PRKACB: variants seen among roughly 807,000 people sequenced by gnomAD.
PRKACB encodes protein kinase cAMP-activated catalytic subunit beta.
Under a neutral mutation model 51.4 loss-of-function variants are expected in PRKACB, and 16 were observed. That is an observed-to-expected ratio of 0.31 (90% CI 0.21 to 0.47). The LOEUF is 0.47. Ranked by LOEUF, PRKACB falls within the 20% of genes least tolerant of loss-of-function variation. PRKACB has a pLI of 1.00. For missense variants in PRKACB, 309 were observed against 464.5 expected, an observed-to-expected ratio of 0.67 and a Z score of 3.08; for synonymous variants, 147 against 154.4, an observed-to-expected ratio of 0.95 and a Z score of 0.35.
At chr1:84,170,717 G>A (rs953777369) in intron 1 of PRKACB, among the ~76,000 whole-genome samples, 4 of 151,492 alleles carry the variant, frequency 2.6e-5, no homozygotes, top group African/African-American at 7.3e-5. Flanking sequence ...ATTAGAACCT[G>A]CCAATAATGT....
At chr1:84,115,750 T>A (rs1164249456) in intron 1 of PRKACB, among the ~76,000 whole-genome samples, 1 of 151,636 alleles carries the variant, frequency 6.6e-6, no homozygotes, top group Non-Finnish European at 1.5e-5. Context: ...GGCGTGGTGG[T>A]GCATGCCTGT....
chr1:84,174,895 T>C (rs1405676438), intron 1 of PRKACB: 1 of 795,090 alleles, frequency 1.3e-6, no homozygotes, highest in East Asian at 3.9e-5. Context: ...TTTGAATACA[T>C]ACAATCAAAT....
intron 8 of PRKACB, 146 bp downstream of exon 8, chr1:84,202,951 A>AGC: frequency 1.3e-6 from 1 of 758,974 alleles, no homozygotes; most frequent in Non-Finnish European, 1.9e-6. Context: ...CTATCATAAG[A>AGC]ATTGAATCAT....
At chr1:84,147,622 A>G (rs891323966) in intron 1 of PRKACB, among the ~76,000 whole-genome samples, 5 of 152,062 alleles carry the variant, frequency 3.3e-5, no homozygotes, top group African/African-American at 4.8e-5. Flanking sequence ...GGCATAATGA[A>G]ATAGTTGCTT....
intron 1 of PRKACB, among the ~76,000 whole-genome samples, chr1:84,174,265 C>T (rs76643111): frequency 2.3e-3 from 349 of 151,880 alleles, no homozygotes; most frequent in African/African-American, 7.9e-3. Flanking sequence ...TATGTAAGAT[C>T]GTCTCAGCCT....
At chr1:84,198,873 CATATATGTGT>C (rs1294389422) in intron 7 of PRKACB, among the ~76,000 whole-genome samples, 8 of 147,976 alleles carry the variant, frequency 5.4e-5, no homozygotes, top group East Asian at 3.9e-4. Context: ...ATATACACCA[CATATATGTGT>C]ATATATGTGT....
intron 1 of PRKACB, among the ~76,000 whole-genome samples, chr1:84,103,976 A>G (rs1649543560): frequency 6.6e-6 from 1 of 152,212 alleles, no homozygotes; most frequent in Non-Finnish European, 1.5e-5. Flanking sequence ...TGTGTTAGGA[A>G]CATTTAAATC....
intron 1 of PRKACB, among the ~76,000 whole-genome samples, chr1:84,100,157 A>T (rs1649227893): frequency 6.6e-6 from 1 of 152,216 alleles, no homozygotes; most frequent in African/African-American, 2.4e-5. Context: ...ACAAGGTGAC[A>T]GGAGAGAGTG....
rs995020483 is a variant in PRKACB, at chr1:84,235,710, A to G, written c.*405A>G. 1.3e-5 allele frequency: 2 copies of G among 155,372 alleles called. No homozygotes were observed. The highest frequency in any genetic ancestry group is 4.8e-5 in the African/African-American group (2 of 41,532). The allele number at this position is 155,372 out of a possible 1,614,324, so 9.6% of individuals were successfully genotyped here. On this transcript the variant is annotated 3_prime_UTR_variant, in exon 10 of 10. Coordinates refer to ENST00000370685, the MANE Select transcript of PRKACB (RefSeq NM_182948.4). ...GTGTTGCTTTCAGTAGTTATTGCCA[A>G]TATTGTTGTTGGTCAATGGCTTGAA...
chr1:84,174,901 C>A, intron 1 of PRKACB: 3 of 836,966 alleles, frequency 3.6e-6, no homozygotes, highest in Non-Finnish European at 4.9e-6. Flanking sequence ...TACATACAAT[C>A]AAATAATTGA....
At position 84,115,390 on chromosome 1, in the gene PRKACB, G is replaced by C. The variant is rs565499802; in HGVS notation, c.46+37019G>C. Among the ~76,000 whole-genome samples the C allele has an allele frequency of 4.6e-5, 7 of 152,006 alleles. No homozygotes were observed. In the South Asian group the frequency reaches 1.5e-3, roughly 32 times the overall value. The stretch of plus-strand genomic sequence containing the variant: ...AATGGGATTATGTTTTTCCTATTAA[G>C]TTTTTTGAGTTTCTTGTATATGCTG... On this transcript the variant is annotated intron_variant, in intron 1 of 8. Coordinates refer to the PRKACB transcript ENST00000370688.
intron 1 of PRKACB, among the ~76,000 whole-genome samples, chr1:84,120,379 A>G (rs1275285176): frequency 6.6e-6 from 1 of 152,092 alleles, no homozygotes; most frequent in Non-Finnish European, 1.5e-5. Context: ...CAGTCAGGCA[A>G]TTCTTGTGAT....
At chr1:84,109,887 A>G (rs1379282546) in intron 1 of PRKACB, among the ~76,000 whole-genome samples, 2 of 151,882 alleles carry the variant, frequency 1.3e-5, no homozygotes, top group African/African-American at 4.8e-5. Context: ...TTCTGATTAT[A>G]TATGTTATAA....
intron 5 of PRKACB, among the ~76,000 whole-genome samples, chr1:84,189,650 G>T (rs773261068): frequency 6.6e-6 from 1 of 151,800 alleles, no homozygotes; most frequent in African/African-American, 2.4e-5. Flanking sequence ...CTCAAGAAAT[G>T]GAATTACTAT....
intron 1 of PRKACB, among the ~76,000 whole-genome samples, chr1:84,148,658 A>T (rs1654443444): frequency 6.6e-6 from 1 of 152,178 alleles, no homozygotes; most frequent in Admixed American, 6.5e-5. Context: ...AAAAGCAGTC[A>T]AATGCTGACC....
chr1:84,097,289 G>A (rs190705980), intron 1 of PRKACB, among the ~76,000 whole-genome samples: 1 of 151,982 alleles, frequency 6.6e-6, no homozygotes, highest in East Asian at 1.9e-4. Context: ...TAAAGTATAT[G>A]TATCTGTAGA....
rs184391554 is a variant in PRKACB at position 84,152,414 on chromosome 1, G to A, written c.187+7866G>A. ...TCAGCCTGTCCTTTGAAGCTTTGAAGCCAGGCATTGCCTTCTCTCTAGCTA... is the reference window on the plus strand; with the variant it reads ...TCAGCCTGTCCTTTGAAGCTTTGAAACCAGGCATTGCCTTCTCTCTAGCTA... On this transcript the variant is annotated intron_variant, in intron 1 of 9. Transcript: ENST00000370685. 4.1e-3 allele frequency among the ~76,000 whole-genome samples: 620 copies of A among 152,282 alleles called. 4 individuals carry two copies. Among genetic ancestry groups the A allele is most frequent in the African/African-American group, 0.014 (591 of 41,566 alleles).
At chr1:84,133,641 A>G (rs192166806) in intron 1 of PRKACB, among the ~76,000 whole-genome samples, 29 of 152,042 alleles carry the variant, frequency 1.9e-4, no homozygotes, top group Non-Finnish European at 3.1e-4. Context: ...ACTCGGCTTC[A>G]CTCGCTCAGA....
At chr1:84,219,717 C>T (rs114256182) in intron 9 of PRKACB, among the ~76,000 whole-genome samples, 2,547 of 151,430 alleles carry the variant, frequency 0.017, 79 homozygotes, top group African/African-American at 0.059. Context: ...GTCCTTTCCC[C>T]ACTGTATGTT....
Sources: allele counts gnomAD v4.1 joint callset (sites outside exome capture counted in the v4.1 genomes callset), GRCh38; gene constraint gnomAD v4.1.1; transcripts MANE v1.5; gene names NCBI Gene and HGNC (gene_info 2026-07-23, HGNC 2026-07-21).